FAM227B: variants seen among roughly 807,000 people sequenced by gnomAD.
The protein encoded by FAM227B is protein FAM227B.
Under a neutral mutation model 73.8 loss-of-function variants are expected in FAM227B, and 88 were observed. The ratio of observed to expected loss-of-function variants is 1.19; its 90% CI spans 1.00 to 1.42. The LOEUF is 1.42. Among genes scored for constraint, FAM227B ranks in the 40% most tolerant of loss-of-function variants. FAM227B has a pLI of 0.00. For missense variants in FAM227B, 632 were observed against 590.9 expected (o/e 1.07, Z -0.72); for synonymous variants, 210 against 190.5 (o/e 1.10, Z -0.84).
At chr15:49,496,726 G>A (rs539474714) in intron 11 of FAM227B, among the ~76,000 whole-genome samples, 23 of 152,102 alleles carry the variant, frequency 1.5e-4, no homozygotes, top group African/African-American at 4.3e-4. Flanking sequence ...CTCAAATGTC[G>A]AAAAAAATTA....
chr15:49,385,473 T>C (rs993617847), intron 11 of FAM227B, among the ~76,000 whole-genome samples: 7 of 151,630 alleles, frequency 4.6e-5, no homozygotes, highest in African/African-American at 1.2e-4. Flanking sequence ...AAAGGTTGTA[T>C]AAATGGTAAT....
chr15:49,414,565 G>T (rs2049085527), intron 11 of FAM227B, among the ~76,000 whole-genome samples: 1 of 152,068 alleles, frequency 6.6e-6, no homozygotes, highest in Non-Finnish European at 1.5e-5. Flanking sequence ...GATGACTTTG[G>T]GGCAGAGAAA....
intron 11 of FAM227B, among the ~76,000 whole-genome samples, chr15:49,476,198 C>T (rs1288204675): frequency 1.9e-5 from 2 of 107,070 alleles, no homozygotes; most frequent in Admixed American, 9.4e-5. Flanking sequence ...TTCTGAATTC[C>T]TATTTATTTT....
At chr15:49,461,680 A>AAAAGAAT (rs2053813058) in intron 11 of FAM227B, among the ~76,000 whole-genome samples, 1 of 152,250 alleles carries the variant, frequency 6.6e-6, no homozygotes, top group African/African-American at 2.4e-5. Context: ...CAAAGCATCA[A>AAAAGAAT]AAAGAATAAG....
chr15:49,470,301 T>C (rs1163381591), intron 11 of FAM227B, among the ~76,000 whole-genome samples: 1 of 152,136 alleles, frequency 6.6e-6, no homozygotes, highest in East Asian at 1.9e-4. Flanking sequence ...ACACTATCAT[T>C]ATCACTATAT....
chr15:49,407,392 T>A (rs2048586634), intron 11 of FAM227B, among the ~76,000 whole-genome samples: 1 of 152,050 alleles, frequency 6.6e-6, no homozygotes, highest in African/African-American at 2.4e-5. Context: ...TTTTTCCCAC[T>A]TCAGCCCAGC....
intron 11 of FAM227B, among the ~76,000 whole-genome samples, chr15:49,371,643 CTT>C (rs961222860): frequency 1.3e-5 from 2 of 148,402 alleles, no homozygotes; most frequent in African/African-American, 4.9e-5. Context: ...ATAAAATTCA[CTT>C]ATAAATAAAT....
At chr15:49,611,189 C>A in intron 3 of FAM227B, 26 bp downstream of exon 3, 1 of 1,391,848 alleles carries the variant, frequency 7.2e-7, no homozygotes, top group Non-Finnish European at 1.0e-6. Flanking sequence ...GATGTAATGG[C>A]ACATAAAATA....
intron 11 of FAM227B, among the ~76,000 whole-genome samples, chr15:49,496,928 A>G (rs563932187): frequency 6.8e-6 from 1 of 147,498 alleles, no homozygotes; most frequent in Non-Finnish European, 1.5e-5. Context: ...AGTATACACA[A>G]AGTCACACAC....
intron 11 of FAM227B, among the ~76,000 whole-genome samples, chr15:49,498,635 T>C (rs1425642337): frequency 2.0e-5 from 3 of 152,154 alleles, no homozygotes; most frequent in African/African-American, 7.2e-5. Context: ...ATAAATAAAA[T>C]ATATAATACA....
At chr15:49,443,146 T>C (rs1309554554) in intron 11 of FAM227B, among the ~76,000 whole-genome samples, 1 of 151,726 alleles carries the variant, frequency 6.6e-6, no homozygotes, top group Non-Finnish European at 1.5e-5. Context: ...GAGCCAATTG[T>C]TAAATTTTCA....
chr15:49,465,829 T>A (rs74012386), intron 11 of FAM227B, among the ~76,000 whole-genome samples: 5 of 152,206 alleles, frequency 3.3e-5, no homozygotes, highest in African/African-American at 1.2e-4. Flanking sequence ...GAAAACTTGT[T>A]AATTCTTTAA....
In FAM227B at chr15:49,559,733, G is replaced by A. The variant is rs181391944; in HGVS notation, c.747+8512C>T. The stretch of plus-strand genomic sequence containing the variant: ...AGGCAGATCACGAGGTCAGGAGTTC[G>A]AGACTAGCCTGACCAACATGGTGAA... On this transcript the variant is annotated intron_variant, in intron 9 of 15. Transcript: ENST00000299338. Among the ~76,000 whole-genome samples, 448 of 152,038 alleles carry A rather than the reference G, an allele frequency of 2.9e-3. 1 individual carries two copies. Among genetic ancestry groups the A allele is most frequent in the African/African-American group, 0.011 (437 of 41,478 alleles).
chr15:49,402,054 C>A (rs941330279), intron 11 of FAM227B, among the ~76,000 whole-genome samples: 16 of 152,062 alleles, frequency 1.1e-4, no homozygotes, highest in Non-Finnish European at 2.2e-4. Context: ...TCTGATCTAG[C>A]TCAACCACTG....
chr15:49,423,908 G>C (rs1449250642), intron 11 of FAM227B: 1 of 162,410 alleles, frequency 6.2e-6, no homozygotes, highest in Non-Finnish European at 1.3e-5. Context: ...TGTTTTAAAT[G>C]TATCTTCAAA....
At chr15:49,554,194 C>T (rs1390794062) in intron 9 of FAM227B, among the ~76,000 whole-genome samples, 3 of 152,144 alleles carry the variant, frequency 2.0e-5, no homozygotes, top group Non-Finnish European at 4.4e-5. Context: ...CCTCCCCACT[C>T]TTCCCTCTCC....
intron 14 of FAM227B, among the ~76,000 whole-genome samples, chr15:49,333,605 A>G (rs1226153525): frequency 1.3e-5 from 2 of 152,204 alleles, no homozygotes; most frequent in Non-Finnish European, 2.9e-5. Flanking sequence ...AAGATCCTAA[A>G]GTAGTGGGTT....
Position 49,507,455 on chromosome 15 carries a change from G to A in FAM227B, c.1012+756C>T, listed in dbSNP as rs548691664. Among the ~76,000 whole-genome samples, 3 of 152,130 alleles carry A rather than the reference G, an allele frequency of 2.0e-5. No homozygotes were observed. In the East Asian group the frequency reaches 5.8e-4, roughly 29 times the overall value. ...CACATGAAATCATCTGAGGCACTGA[G>A]GAACTTTAAACATTACTAAGCCTAG... On this transcript the variant is annotated intron_variant, in intron 11 of 15. Coordinates refer to ENST00000299338, the MANE Select transcript of FAM227B (RefSeq NM_152647.3).
intron 10 of FAM227B, among the ~76,000 whole-genome samples, chr15:49,511,962 G>A (rs2059031682): frequency 1.3e-5 from 2 of 151,992 alleles, no homozygotes; most frequent in Admixed American, 1.3e-4. Flanking sequence ...CTTTGGGTAC[G>A]TACCCAGTGA....
Sources: allele counts gnomAD v4.1 joint callset (sites outside exome capture counted in the v4.1 genomes callset), GRCh38; gene constraint gnomAD v4.1.1; transcripts MANE v1.5; gene names NCBI Gene and HGNC (gene_info 2026-07-23, HGNC 2026-07-21).